Variants in ZNF804B observed in about 807,000 individuals in gnomAD.
The protein encoded by ZNF804B is zinc finger protein 804B.
ZNF804B carries 80 observed loss-of-function variants against 101.4 expected under a neutral mutation model. That is an observed-to-expected ratio of 0.79 (90% CI 0.66 to 0.95). The LOEUF (loss-of-function observed/expected upper bound fraction) is 0.95, where lower values mean the gene tolerates loss of function less well. ZNF804B is among the 40% of genes least tolerant of loss of function. ZNF804B has a pLI of 0.00. For synonymous variants in ZNF804B, 622 were observed against 558.8 expected, an observed-to-expected ratio of 1.11 and a Z score of -1.59; for missense variants, 1,673 against 1,561.9, an observed-to-expected ratio of 1.07 and a Z score of -1.20.
At chr7:89,300,819 A>C (rs1042818975) in intron 2 of ZNF804B, among the ~76,000 whole-genome samples, 1 of 151,878 alleles carries the variant, frequency 6.6e-6, no homozygotes, top group Non-Finnish European at 1.5e-5. Context: ...ATCTGAAAAA[A>C]GTTTTGAAGA....
chr7:88,944,518 C>T (rs1400182333), intron 1 of ZNF804B, among the ~76,000 whole-genome samples: 1 of 151,096 alleles, frequency 6.6e-6, no homozygotes, highest in Non-Finnish European at 1.5e-5. Context: ...CATATGTAGC[C>T]ATGGGTTCTG....
At chr7:89,264,582 A>G (rs1291177843) in intron 2 of ZNF804B, among the ~76,000 whole-genome samples, 2 of 151,976 alleles carry the variant, frequency 1.3e-5, no homozygotes. Flanking sequence ...TTTCTTCCCA[A>G]TCTCACACAT....
intron 1 of ZNF804B, among the ~76,000 whole-genome samples, chr7:88,861,099 C>G (rs1031696814): frequency 7.2e-5 from 11 of 152,068 alleles, no homozygotes; most frequent in African/African-American, 2.7e-4. Context: ...ATATATTAAT[C>G]TACTAGAGTG....
intron 2 of ZNF804B, among the ~76,000 whole-genome samples, chr7:89,250,828 GA>G (rs1256549222): frequency 2.0e-5 from 3 of 151,962 alleles, no homozygotes; most frequent in African/African-American, 7.2e-5. Flanking sequence ...TAAACAGAAT[GA>G]AAAACAAAAA....
intron 1 of ZNF804B, among the ~76,000 whole-genome samples, chr7:89,130,844 C>T (rs535256016): frequency 2.0e-5 from 3 of 151,916 alleles, no homozygotes; most frequent in Admixed American, 6.6e-5. Flanking sequence ...CCCTACAAAG[C>T]GTCTAGGGGG....
chr7:89,231,705 A>T (rs1258760474), intron 2 of ZNF804B, among the ~76,000 whole-genome samples: 1 of 152,108 alleles, frequency 6.6e-6, no homozygotes, highest in East Asian at 1.9e-4. Flanking sequence ...TTTGAAAGGG[A>T]ATTTTAATTT....
chr7:88,760,143 A>T, intron 1 of ZNF804B, 59 bp downstream of exon 1: 1 of 1,341,900 alleles, frequency 7.5e-7, no homozygotes, highest in Admixed American at 1.7e-5. Context: ...ACAAACAAAA[A>T]GATATTGAGA....
chr7:89,041,575 G>C (rs1789017912), intron 1 of ZNF804B, among the ~76,000 whole-genome samples: 1 of 152,196 alleles, frequency 6.6e-6, no homozygotes, highest in Non-Finnish European at 1.5e-5. Flanking sequence ...CTGGCACCAA[G>C]CTAAGCCTAG....
At chr7:88,837,638 T>G (rs1193174711) in intron 1 of ZNF804B, among the ~76,000 whole-genome samples, 1 of 151,972 alleles carries the variant, frequency 6.6e-6, no homozygotes, top group Non-Finnish European at 1.5e-5. Context: ...GAAGCTTTAA[T>G]AAGTCACCAA....
In ZNF804B at chr7:88,970,043, C is replaced by T. The variant is rs191846196; in HGVS notation, c.108+209959C>T. Reference sequence around the variant, plus strand: ...TCCCTTCATTTCCCTTTTCTCCTTCCCTTCATTTCCCTTTTCTCCTTCCTT... The same window carrying T: ...TCCCTTCATTTCCCTTTTCTCCTTCTCTTCATTTCCCTTTTCTCCTTCCTT... On this transcript the variant is annotated intron_variant, in intron 1 of 3. Coordinates refer to ENST00000333190, the MANE Select transcript of ZNF804B (RefSeq NM_181646.5). Among the ~76,000 whole-genome samples, 333 of 151,216 alleles carry T rather than the reference C, an allele frequency of 2.2e-3. 1 individual carries two copies. The highest frequency in any genetic ancestry group is 8.0e-3 in the African/African-American group (329 of 41,294).
chr7:89,337,114 T>G lies in ZNF804B; in HGVS notation c.*82T>G. 7.4e-7 allele frequency: 1 copy of G among 1,345,986 alleles called. No homozygotes were observed. The highest frequency in any genetic ancestry group is 1.0e-6 in the Non-Finnish European group (1 of 999,070). The allele number at this position is 1,345,986 out of a possible 1,614,324, so 83.4% of individuals were successfully genotyped here. ...CATACATTTAAAGAAGTCTGTCAAT[T>G]ATAAGATTTAAAATATTGCTGCCAA... On this transcript the variant is annotated 3_prime_UTR_variant, in exon 4 of 4. Transcript: ENST00000333190.
At chr7:88,838,074 A>T (rs10225842) in intron 1 of ZNF804B, among the ~76,000 whole-genome samples, 5,940 of 151,900 alleles carry the variant, frequency 0.039, 410 homozygotes, top group African/African-American at 0.14. Context: ...ATTTCAGGGT[A>T]TTAAGGGATT....
intron 1 of ZNF804B, among the ~76,000 whole-genome samples, chr7:88,802,657 A>AT (rs1280208214): frequency 1.3e-5 from 2 of 151,950 alleles, no homozygotes; most frequent in Admixed American, 6.6e-5. Flanking sequence ...ATTTTTCGTA[A>AT]TTTTTTTAAA....
intron 1 of ZNF804B, among the ~76,000 whole-genome samples, chr7:88,870,352 T>C (rs1446627134): frequency 8.6e-6 from 1 of 116,912 alleles, no homozygotes. Context: ...GCCACTGCAC[T>C]CCAGCCTGGG....
intron 1 of ZNF804B, among the ~76,000 whole-genome samples, chr7:89,206,426 C>T (rs1382473474): frequency 6.6e-6 from 1 of 152,154 alleles, no homozygotes; most frequent in Non-Finnish European, 1.5e-5. Flanking sequence ...AACATAAGCT[C>T]CATTTCCAAA....
At chr7:88,909,028 T>G (rs1208726642) in intron 1 of ZNF804B, among the ~76,000 whole-genome samples, 1 of 151,780 alleles carries the variant, frequency 6.6e-6, no homozygotes, top group Non-Finnish European at 1.5e-5. Context: ...AGCTTACTAC[T>G]TACTGAAGAT....
intron 2 of ZNF804B, among the ~76,000 whole-genome samples, chr7:89,227,357 T>C (rs557016849): frequency 1.3e-5 from 2 of 152,198 alleles, no homozygotes; most frequent in Non-Finnish European, 2.9e-5. Context: ...AAACTTTTCA[T>C]CATCTCTTCC....
chr7:88,829,069 C>T (rs997510589), intron 1 of ZNF804B, among the ~76,000 whole-genome samples: 2 of 152,002 alleles, frequency 1.3e-5, no homozygotes, highest in African/African-American at 4.8e-5. Flanking sequence ...TCTATTATTA[C>T]ATATCTATTG....
chr7:89,024,081 C>A (rs1175614002), intron 1 of ZNF804B, among the ~76,000 whole-genome samples: 1 of 152,116 alleles, frequency 6.6e-6, no homozygotes, highest in Non-Finnish European at 1.5e-5. Flanking sequence ...ACAGTGAAGA[C>A]CTCACTGCCA....
Sources: gnomAD v4.1 joint callset for allele counts (sites outside exome capture counted in the v4.1 genomes callset) on GRCh38, gnomAD v4.1.1 for gene constraint, MANE v1.5 for transcripts, NCBI Gene and HGNC (gene_info 2026-07-23, HGNC 2026-07-21) for gene names.